The following PTPRN2 variants were observed in gnomAD, a reference collection of about 807,000 sequenced individuals.
PTPRN2 encodes receptor-type tyrosine-protein phosphatase N2.
A neutral mutation model predicts 118.8 loss-of-function variants in PTPRN2; 74 were observed. That is an observed-to-expected ratio of 0.62 (90% CI 0.52 to 0.76). The LOEUF is 0.76. Among genes scored for constraint, PTPRN2 ranks in the 30% least tolerant of loss-of-function variants. The pLI, the probability that PTPRN2 is intolerant of heterozygous loss-of-function variation, is 0.00. For synonymous variants in PTPRN2, 641 were observed against 608.0 expected, an observed-to-expected ratio of 1.05 and a Z score of -0.80; for missense variants, 1,481 against 1,394.4, an observed-to-expected ratio of 1.06 and a Z score of -0.99.
At chr7:157,544,233 T>C (rs1798164124) in intron 22 of PTPRN2, among the ~76,000 whole-genome samples, 1 of 152,074 alleles carries the variant, frequency 6.6e-6, no homozygotes, top group Non-Finnish European at 1.5e-5. Context: ...ACGGGAGGCC[T>C]TGGGAGAAGT....
intron 3 of PTPRN2, among the ~76,000 whole-genome samples, chr7:158,231,311 G>T (rs1326025590): frequency 1.3e-5 from 2 of 152,044 alleles, no homozygotes; most frequent in African/African-American, 4.8e-5. Context: ...ACCAAAAATG[G>T]GCAGAAGCGG....
At chr7:158,085,789 G>A (rs890129867) in intron 10 of PTPRN2, among the ~76,000 whole-genome samples, 1 of 112,746 alleles carries the variant, frequency 8.9e-6, no homozygotes, top group Admixed American at 9.5e-5. Context: ...CCACACCCAC[G>A]ACGCCCATCC....
At chr7:158,533,442 T>C (rs1586890073) in intron 1 of PTPRN2, among the ~76,000 whole-genome samples, 1 of 152,346 alleles carries the variant, frequency 6.6e-6, no homozygotes, top group South Asian at 2.1e-4. Context: ...GATCGCACCT[T>C]TGCCTTCCAC....
rs557763432 is a variant in PTPRN2 at position 157,593,656 on chromosome 7, G to A, written c.2496+1582C>T. 5.6e-4 allele frequency among the ~76,000 whole-genome samples: 86 copies of A among 152,330 alleles called. No individual in the cohort carries two copies. The South Asian group carries it at 0.018, about 31-fold the overall frequency. On this transcript the variant is annotated intron_variant, in intron 17 of 22. Coordinates refer to ENST00000389418, the MANE Select transcript of PTPRN2 (RefSeq NM_002847.5). ...GGGGGCATCCCTGGAAGGGCCCTGG[G>A]GCTCCATTCTAAGGGCAGCGCTGGG...
intron 10 of PTPRN2, among the ~76,000 whole-genome samples, chr7:158,103,963 A>T (rs1815455554): frequency 6.6e-6 from 1 of 152,074 alleles, no homozygotes; most frequent in South Asian, 2.1e-4. Context: ...CCCGGGTTCA[A>T]GCAATTCTCT....
At chr7:158,340,388 CCAT>C (rs1806454773) in intron 2 of PTPRN2, among the ~76,000 whole-genome samples, 1 of 90,626 alleles carries the variant, frequency 1.1e-5, no homozygotes, top group Non-Finnish European at 2.4e-5. Context: ...CATACTCTCA[CCAT>C]AAGAGCTGAC....
chr7:158,111,938 C>T (rs993846999), intron 9 of PTPRN2, among the ~76,000 whole-genome samples: 4 of 152,080 alleles, frequency 2.6e-5, no homozygotes, highest in South Asian at 2.1e-4. Context: ...CACTGGTGTC[C>T]GTATAAAAGG....
chr7:157,987,386 G>A lies in PTPRN2; in HGVS notation c.1724-88649C>T, dbSNP rs545217365. Among the ~76,000 whole-genome samples the A allele has an allele frequency of 8.2e-4, 125 of 151,934 alleles. No homozygotes were observed. The highest frequency in any genetic ancestry group is 2.6e-3 in the African/African-American group (107 of 41,420). ...GGGGGTGAGACAACCGGTCACTAAC[G>A]GGGGCAATATGACCCCTCACTAATG... is the stretch of plus-strand genomic sequence containing the variant. On this transcript the variant is annotated intron_variant, in intron 11 of 22. Coordinates refer to ENST00000389418, the MANE Select transcript of PTPRN2 (RefSeq NM_002847.5). This position sits in a 1 kb window ranked among gnomAD's most constrained non-coding sequence, Gnocchi z 4.3.
chr7:157,572,898 G>A (rs981331679), intron 19 of PTPRN2, among the ~76,000 whole-genome samples: 3 of 152,352 alleles, frequency 2.0e-5, no homozygotes, highest in Admixed American at 6.5e-5. Context: ...TGTTAGAGGT[G>A]TTTGTTGTTG....
At chr7:157,653,408 G>A (rs1395356929) in intron 14 of PTPRN2, among the ~76,000 whole-genome samples, 1 of 152,162 alleles carries the variant, frequency 6.6e-6, no homozygotes, top group East Asian at 1.9e-4. Context: ...CACGGAATTG[G>A]CTGCCTTGTA....
intron 2 of PTPRN2, among the ~76,000 whole-genome samples, chr7:158,328,495 C>T (rs1803834750): frequency 6.6e-6 from 1 of 152,208 alleles, no homozygotes; most frequent in Non-Finnish European, 1.5e-5. Flanking sequence ...TGGGAGCGGC[C>T]AGCACAGCCT....
intron 6 of PTPRN2, among the ~76,000 whole-genome samples, chr7:158,166,111 A>G (rs1267872407): frequency 6.6e-6 from 1 of 152,052 alleles, no homozygotes; most frequent in African/African-American, 2.4e-5. Flanking sequence ...TGTGGGCCAG[A>G]CCCGTCCTGC....
At chr7:158,019,312 T>C (rs751491577) in intron 11 of PTPRN2, among the ~76,000 whole-genome samples, 4 of 152,254 alleles carry the variant, frequency 2.6e-5, no homozygotes, top group Non-Finnish European at 2.9e-5. Flanking sequence ...AATGAACAAA[T>C]ATATGCTAAA....
At chr7:157,791,529 CGCCCCCGCTCCCTGCACCCACCT>C (rs1386648685) in intron 12 of PTPRN2, among the ~76,000 whole-genome samples, 10 of 149,588 alleles carry the variant, frequency 6.7e-5, no homozygotes, top group Non-Finnish European at 1.2e-4. Context: ...TCCCTGCACC[CGCCCCCGCTCCCTGCACCCACCT>C]GCCCCCCCTC....
At chr7:157,651,868 A>G (rs945009591) in intron 14 of PTPRN2, among the ~76,000 whole-genome samples, 1 of 152,102 alleles carries the variant, frequency 6.6e-6, no homozygotes, top group Non-Finnish European at 1.5e-5. Flanking sequence ...AGAGAAATGT[A>G]CCGGTTTCTT....
intron 11 of PTPRN2, among the ~76,000 whole-genome samples, chr7:157,979,801 G>T (rs563122904): frequency 3.9e-5 from 6 of 152,352 alleles, no homozygotes; most frequent in African/African-American, 1.4e-4. Context: ...AATACAGTGC[G>T]TGATGCACAG....
intron 14 of PTPRN2, among the ~76,000 whole-genome samples, chr7:157,631,835 A>G (rs1803980231): frequency 6.6e-6 from 1 of 150,862 alleles, no homozygotes; most frequent in Non-Finnish European, 1.5e-5. Context: ...CCGTCTCAAA[A>G]AAAAAAAAAA....
chr7:158,056,595 A>G (rs1238940568), intron 11 of PTPRN2, among the ~76,000 whole-genome samples: 1 of 152,216 alleles, frequency 6.6e-6, no homozygotes, highest in Non-Finnish European at 1.5e-5. Flanking sequence ...CACCAGCCAC[A>G]GCAGACCCGT....
intron 11 of PTPRN2, among the ~76,000 whole-genome samples, chr7:157,998,538 C>A (rs1413813587): frequency 6.6e-6 from 1 of 152,154 alleles, no homozygotes; most frequent in Non-Finnish European, 1.5e-5. Context: ...ATTTCAAGCT[C>A]AGTAAATGTA....
Sources: allele counts gnomAD v4.1 joint callset (sites outside exome capture counted in the v4.1 genomes callset), GRCh38; gene constraint gnomAD v4.1.1; non-coding constraint Gnocchi (gnomAD v3.1); transcripts MANE v1.5; gene names NCBI Gene and HGNC (gene_info 2026-07-23, HGNC 2026-07-21).